Variants in STARD9 observed in about 807,000 individuals in gnomAD.
STARD9 encodes the protein stAR-related lipid transfer protein 9.
In STARD9, 346 loss-of-function variants were observed where a neutral mutation model predicts 399.8. The observed-to-expected ratio is 0.87, with a 90% CI of 0.79 to 0.95. The LOEUF is 0.95. Among genes scored for constraint, STARD9 ranks in the 40% least tolerant of loss-of-function variants. The pLI is 0.00. For missense variants in STARD9, 5,832 were observed against 5,667.5 expected (o/e 1.03, Z -0.93); for synonymous variants, 2,203 against 2,143.5 (o/e 1.03, Z -0.77).
At chr15:42,644,913 C>T (rs1336440835) in intron 7 of STARD9, among the ~76,000 whole-genome samples, 1 of 152,132 alleles carries the variant, frequency 6.6e-6, no homozygotes, top group Non-Finnish European at 1.5e-5. Flanking sequence ...CTCAAGAAAC[C>T]ACTTTCTCTG....
chr15:42,707,468 C>CTTT (rs544507849), intron 26 of STARD9, among the ~76,000 whole-genome samples: 4 of 134,640 alleles, frequency 3.0e-5, no homozygotes, highest in South Asian at 2.4e-4. Context: ...GAGTGAAAAA[C>CTTT]TTTTTTTTTT....
At chr15:42,578,821 T>G (rs2058109441) in intron 1 of STARD9, among the ~76,000 whole-genome samples, 1 of 152,232 alleles carries the variant, frequency 6.6e-6, no homozygotes, top group Non-Finnish European at 1.5e-5. Context: ...AGGTTTTCAC[T>G]CTGAACTATT....
At position 42,652,608 on chromosome 15, in the gene STARD9, T is replaced by A. The variant is rs1420309486; in HGVS notation, c.702+16T>A. 3.9e-6 allele frequency: 6 copies of A among 1,534,600 alleles called. No individual in the cohort carries two copies. Among genetic ancestry groups the A allele is most frequent in the Admixed American group, 2.0e-5 (1 of 50,972 alleles). On this transcript the variant is annotated intron_variant, in intron 9 of 32. Coordinates refer to ENST00000290607, the MANE Select transcript of STARD9 (RefSeq NM_020759.3). ...CTACACGCAGGTTGGTAACTCCTTA[T>A]GTTTGGTGAGATTTCTTCCTCTCCT...
At chr15:42,618,697 A>G (rs2059022365) in intron 3 of STARD9, among the ~76,000 whole-genome samples, 1 of 151,706 alleles carries the variant, frequency 6.6e-6, no homozygotes, top group African/African-American at 2.4e-5. Flanking sequence ...CCTGGGTTCA[A>G]GCGATTCTCC....
chr15:42,637,079 T>TAAA (rs5812228), intron 4 of STARD9, among the ~76,000 whole-genome samples: 3 of 144,308 alleles, frequency 2.1e-5, no homozygotes, highest in African/African-American at 2.5e-5. Flanking sequence ...AAATAATAAT[T>TAAA]AAAAAAAAAA....
chr15:42,674,195 G>A (rs1444596453), intron 16 of STARD9, among the ~76,000 whole-genome samples: 2 of 152,208 alleles, frequency 1.3e-5, no homozygotes, highest in African/African-American at 4.8e-5. Context: ...AATAGCTTGG[G>A]CTGCTTTGTG....
chr15:42,687,994 G>A lies in STARD9; in HGVS notation c.6416G>A (p.Gly2139Glu), dbSNP rs1203540398. 3 of 1,537,476 alleles carry A rather than the reference G, an allele frequency of 2.0e-6. No individual in the cohort carries two copies. The highest frequency in any genetic ancestry group is 2.6e-6 in the Non-Finnish European group (3 of 1,146,976). The change falls in exon 23 of 33, where the codon GGG becomes GAG. Residue 2139 changes from glycine to glutamate, a missense_variant. Gly to Glu is a moderately conservative substitution (Grantham distance 98). This residue lies in a region of STARD9 where 5,828 missense variants were observed against 5,651.1 expected (regional missense o/e 1.03). Coordinates refer to ENST00000290607, the MANE Select transcript of STARD9 (RefSeq NM_020759.3). ...GGAGCGATGGAGGTTAACAGCATTG[G>A]GAACCATCCCCAGGTCCAGAAAATC... is the stretch of plus-strand genomic sequence containing the variant. ...EAGAMEVNSIGNHPQVQKITP... is the reference protein window; with the variant it reads ...EAGAMEVNSIENHPQVQKITP...
At chr15:42,600,997 A>G (rs886850710) in intron 3 of STARD9, among the ~76,000 whole-genome samples, 1 of 151,664 alleles carries the variant, frequency 6.6e-6, no homozygotes, top group African/African-American at 2.4e-5. Flanking sequence ...TGGTTTTACT[A>G]GGCAGAGAGC....
At chr15:42,680,342 G>T (rs1394005122) in intron 20 of STARD9, among the ~76,000 whole-genome samples, 1 of 152,162 alleles carries the variant, frequency 6.6e-6, no homozygotes, top group East Asian at 1.9e-4. Flanking sequence ...GCTCATGCCT[G>T]TAGTCCTAGC....
chr15:42,710,225 A>G (rs1452416688), intron 26 of STARD9, among the ~76,000 whole-genome samples: 1 of 150,484 alleles, frequency 6.6e-6, no homozygotes, highest in Non-Finnish European at 1.5e-5. Flanking sequence ...ATGCCCGGGT[A>G]CTTTTGTATT....
At chr15:42,669,974 C>T (rs1454392015) in intron 16 of STARD9, 2 of 152,256 alleles carry the variant, frequency 1.3e-5, no homozygotes, top group South Asian at 2.1e-4. Context: ...TCACTTGAAC[C>T]CAGGAGGTGG....
rs2060626347 is a variant in STARD9, at chr15:42,688,995, G to T, written c.7417G>T (p.Glu2473Ter). 2 of 1,537,206 alleles carry T rather than the reference G, an allele frequency of 1.3e-6. No individual in the cohort carries two copies. Among genetic ancestry groups the T allele is most frequent in the South Asian group, 1.2e-5 (1 of 84,072 alleles). The change falls in exon 23 of 33, where the codon GAA (glutamate) becomes TAA (stop). Residue 2473 changes from glutamate (E) to a stop codon, truncating the protein, a stop_gained. Transcript: ENST00000290607. LOFTEE classifies it high-confidence loss of function. The part of the protein sequence containing the change: ...ASEAEVAVQK[E>*]IRVSSLNKVS... ...TGAAGCCGAGGTGGCTGTACAAAAA[G>T]AAATAAGAGTCAGTTCACTGAACAA...
At chr15:42,593,514 C>G (rs1452820934) in intron 3 of STARD9, among the ~76,000 whole-genome samples, 2 of 151,766 alleles carry the variant, frequency 1.3e-5, no homozygotes, top group Non-Finnish European at 2.9e-5. Flanking sequence ...TTAAAATGGT[C>G]TGTTATTTAG....
At chr15:42,610,956 A>G (rs988709378) in intron 3 of STARD9, among the ~76,000 whole-genome samples, 3 of 152,236 alleles carry the variant, frequency 2.0e-5, no homozygotes, top group Admixed American at 6.5e-5. Context: ...GGTGATCTGT[A>G]TATGTACTTT....
intron 1 of STARD9, 74 bp downstream of exon 1, chr15:42,575,836 G>C: frequency 6.9e-7 from 1 of 1,452,152 alleles, no homozygotes; most frequent in Non-Finnish European, 9.3e-7. Flanking sequence ...GTCTCCCCCT[G>C]CAGAGATTCT....
intron 3 of STARD9, among the ~76,000 whole-genome samples, chr15:42,590,727 C>T (rs1301188029): frequency 1.3e-5 from 2 of 152,120 alleles, no homozygotes; most frequent in Non-Finnish European, 2.9e-5. Context: ...CCAGTTGTAA[C>T]AGAAGGGGAA....
intron 1 of STARD9, among the ~76,000 whole-genome samples, chr15:42,578,607 T>C (rs1218651001): frequency 6.6e-6 from 1 of 151,684 alleles, no homozygotes; most frequent in East Asian, 1.9e-4. Flanking sequence ...ACTTACTCTT[T>C]ACCCACTGTA....
Position 42,652,429 on chromosome 15 carries a change from G to A in STARD9, c.630-91G>A, listed in dbSNP as rs2059780838. On this transcript the variant is annotated intron_variant, in intron 8 of 32. Transcript: ENST00000290607. ...TTATGATTCTTGTCGGTGAACCTCA[G>A]CACTAACATTTCTTGTATTCTGTAT... is the stretch of plus-strand genomic sequence containing the variant. 8.6e-6 allele frequency: 9 copies of A among 1,049,280 alleles called. No individual in the cohort carries two copies. In the South Asian group the frequency reaches 1.1e-4, roughly 13 times the overall value. The allele number at this position is 1,049,280 out of a possible 1,614,324, so 65.0% of individuals were successfully genotyped here. A position where few individuals can be genotyped will look rare whatever the true frequency, so the allele number is the denominator to read the frequency against.
intron 9 of STARD9, among the ~76,000 whole-genome samples, chr15:42,656,435 A>AC (rs1402795866): frequency 6.6e-6 from 1 of 150,582 alleles, no homozygotes; most frequent in African/African-American, 2.4e-5. Context: ...AACTAGTATC[A>AC]CCATTATGGA....
Sources: allele counts gnomAD v4.1 joint callset (sites outside exome capture counted in the v4.1 genomes callset), GRCh38; gene constraint gnomAD v4.1.1; regional missense constraint gnomAD v4.1.1; transcripts MANE v1.5; gene names NCBI Gene and HGNC (gene_info 2026-07-23, HGNC 2026-07-21).